Variants in SRRM4 observed in about 807,000 individuals in gnomAD.
The protein encoded by SRRM4 is serine/arginine repetitive matrix 4.
A neutral mutation model predicts 68.9 loss-of-function variants in SRRM4; 33 were observed. That is an observed-to-expected ratio of 0.48 (90% CI 0.36 to 0.64). SRRM4 has a LOEUF of 0.64. SRRM4 is among the 30% of genes least tolerant of loss of function. SRRM4 has a pLI of 0.00. For missense variants in SRRM4, 817 were observed against 827.1 expected, an observed-to-expected ratio of 0.99 and a Z score of 0.15; for synonymous variants, 318 against 318.8, an observed-to-expected ratio of 1.00 and a Z score of 0.03.
At chr12:119,011,536 G>A (rs911754047) in intron 1 of SRRM4, among the ~76,000 whole-genome samples, 2 of 152,142 alleles carry the variant, frequency 1.3e-5, no homozygotes, top group Non-Finnish European at 2.9e-5. Flanking sequence ...TCTACCCCTA[G>A]ATGATCTAGT....
chr12:119,127,138 A>T (rs1002985138), intron 7 of SRRM4, among the ~76,000 whole-genome samples: 2 of 151,374 alleles, frequency 1.3e-5, no homozygotes, highest in Non-Finnish European at 2.9e-5. Flanking sequence ...GCAGCACACC[A>T]GCATGGCACA....
chr12:119,040,191 T>TATTTC, intron 1 of SRRM4, among the ~76,000 whole-genome samples: 1 of 150,660 alleles, frequency 6.6e-6, no homozygotes, highest in South Asian at 2.2e-4. Flanking sequence ...CCTTTTATTT[T>TATTTC]ATTTTATTTT....
chr12:119,033,448 G>A (rs781724070), intron 1 of SRRM4, among the ~76,000 whole-genome samples: 22 of 152,236 alleles, frequency 1.4e-4, no homozygotes, highest in Middle Eastern at 3.4e-3. Flanking sequence ...GGCAGATCAC[G>A]AGGTCAAGAG....
In SRRM4 at chr12:119,091,175, C is replaced by T. The variant is rs555359769; in HGVS notation, c.132-11061C>T. ...AACTGAGCCATCCTCTCAGAAGCCC[C>T]CTGTCTGCAGTTCTAGCTGATGACA... is the stretch of plus-strand genomic sequence containing the variant. On this transcript the variant is annotated intron_variant, in intron 1 of 12. Coordinates refer to ENST00000267260, the MANE Select transcript of SRRM4 (RefSeq NM_194286.4). Among the ~76,000 whole-genome samples, 14 of 152,336 alleles carry T rather than the reference C, an allele frequency of 9.2e-5. No individual in the cohort carries two copies. In the South Asian group the frequency reaches 2.9e-3, roughly 32 times the overall value.
chr12:119,051,386 A>G (rs1308654440), intron 1 of SRRM4, among the ~76,000 whole-genome samples: 1 of 152,208 alleles, frequency 6.6e-6, no homozygotes, highest in Non-Finnish European at 1.5e-5. Flanking sequence ...TACTGGGGGA[A>G]AAAAGCAAGG....
intron 1 of SRRM4, among the ~76,000 whole-genome samples, chr12:119,068,034 G>T (rs949535447): frequency 5.3e-5 from 8 of 152,230 alleles, no homozygotes; most frequent in Non-Finnish European, 1.5e-5. Context: ...CAGAATGCAA[G>T]TCCACTAGGA....
At chr12:119,133,658 G>A (rs1954311117) in intron 8 of SRRM4, among the ~76,000 whole-genome samples, 4 of 152,160 alleles carry the variant, frequency 2.6e-5, no homozygotes, top group African/African-American at 9.7e-5. Context: ...GGTTTTCCAA[G>A]GTTCCTAGCC....
At chr12:119,045,355 A>T (rs1457452673) in intron 1 of SRRM4, among the ~76,000 whole-genome samples, 4 of 150,246 alleles carry the variant, frequency 2.7e-5, no homozygotes, top group African/African-American at 9.9e-5. Flanking sequence ...AAATTTTAAC[A>T]GTATCTTTGA....
In SRRM4 at chr12:119,022,802, TCTC is replaced by T. The variant is rs564732407; in HGVS notation, c.131+40792_131+40794del. Among the ~76,000 whole-genome samples, 38 of 152,266 alleles carry T rather than the reference TCTC, an allele frequency of 2.5e-4. No individual in the cohort carries two copies. In the South Asian group the frequency reaches 7.9e-3, roughly 32 times the overall value. On this transcript the variant is annotated intron_variant, in intron 1 of 12. Coordinates refer to ENST00000267260, the MANE Select transcript of SRRM4 (RefSeq NM_194286.4). ...AAACATAATAATCAGGGAAATGCAT[TCTC>T]CTACTTCATAGAAGTCCAGAGGCAG... is the stretch of plus-strand genomic sequence containing the variant.
At chr12:119,052,014 C>T (rs867422050) in intron 1 of SRRM4, among the ~76,000 whole-genome samples, 1 of 152,156 alleles carries the variant, frequency 6.6e-6, no homozygotes. Context: ...GGCCACACAG[C>T]TAGAGTGTTC....
At chr12:119,120,777 G>A (rs1954214499) in intron 5 of SRRM4, among the ~76,000 whole-genome samples, 1 of 152,080 alleles carries the variant, frequency 6.6e-6, no homozygotes, top group Admixed American at 6.6e-5. Context: ...CTTGCACAGT[G>A]GATATGTTTA....
At chr12:119,128,122 T>C (rs1954272570) in intron 7 of SRRM4, among the ~76,000 whole-genome samples, 1 of 152,186 alleles carries the variant, frequency 6.6e-6, no homozygotes, top group Non-Finnish European at 1.5e-5. Context: ...TTGGTGTTTC[T>C]GCTGAACATC....
At chr12:119,079,768 T>C (rs992692689) in intron 1 of SRRM4, among the ~76,000 whole-genome samples, 1 of 152,152 alleles carries the variant, frequency 6.6e-6, no homozygotes, top group African/African-American at 2.4e-5. Flanking sequence ...GCCCGATCCT[T>C]TCCACCCATG....
intron 1 of SRRM4, among the ~76,000 whole-genome samples, chr12:119,069,948 TAG>T (rs1953867525): frequency 6.6e-6 from 1 of 151,890 alleles, no homozygotes; most frequent in African/African-American, 2.4e-5. Flanking sequence ...CATAAATGGG[TAG>T]AGTGAGCCAG....
intron 1 of SRRM4, among the ~76,000 whole-genome samples, chr12:119,041,872 A>G (rs1953670975): frequency 6.6e-6 from 1 of 152,150 alleles, no homozygotes; most frequent in Non-Finnish European, 1.5e-5. Flanking sequence ...ACTGTCTACA[A>G]ATAGCAATCC....
chr12:119,085,249 A>G (rs1953972737), intron 1 of SRRM4, among the ~76,000 whole-genome samples: 1 of 152,224 alleles, frequency 6.6e-6, no homozygotes, highest in African/African-American at 2.4e-5. Context: ...TATTTCAGGC[A>G]CTATTCCAAC....
chr12:119,042,631 G>A (rs1953676941), intron 1 of SRRM4, among the ~76,000 whole-genome samples: 1 of 150,968 alleles, frequency 6.6e-6, no homozygotes, highest in Non-Finnish European at 1.5e-5. Flanking sequence ...AGGGATGAGA[G>A]GAGGAGAGGG....
intron 4 of SRRM4, among the ~76,000 whole-genome samples, chr12:119,119,535 A>C (rs1366208126): frequency 1.3e-5 from 2 of 151,886 alleles, no homozygotes; most frequent in Non-Finnish European, 2.9e-5. Flanking sequence ...GGAGCACTGA[A>C]GAATGAGAAG....
At chr12:119,073,630 C>T (rs575488149) in intron 1 of SRRM4, among the ~76,000 whole-genome samples, 1 of 151,708 alleles carries the variant, frequency 6.6e-6, no homozygotes. Flanking sequence ...CGGCCTCTCT[C>T]TCTTTTTTGA....
Sources: allele counts gnomAD v4.1 joint callset (sites outside exome capture counted in the v4.1 genomes callset), GRCh38; gene constraint gnomAD v4.1.1; transcripts MANE v1.5; gene names NCBI Gene and HGNC (gene_info 2026-07-23, HGNC 2026-07-21).